SLC4A4: variants seen among roughly 807,000 people sequenced by gnomAD.
SLC4A4 encodes the protein electrogenic sodium bicarbonate cotransporter 1.
SLC4A4 carries 27 observed loss-of-function variants against 111.5 expected under a neutral mutation model. That is an observed-to-expected ratio of 0.24 (90% CI 0.18 to 0.33). The LOEUF (loss-of-function observed/expected upper bound fraction) is 0.33. SLC4A4 is among the 10% of genes least tolerant of loss of function. The pLI, the probability that SLC4A4 is intolerant of heterozygous loss-of-function variation, is 1.00. For synonymous variants in SLC4A4, 443 were observed against 463.4 expected (o/e 0.96, Z 0.57); for missense variants, 909 against 1,315.5 (o/e 0.69, Z 4.78).
At chr4:71,373,510 T>A (rs1436284641) in intron 6 of SLC4A4, among the ~76,000 whole-genome samples, 2 of 152,112 alleles carry the variant, frequency 1.3e-5, no homozygotes, top group African/African-American at 4.8e-5. Flanking sequence ...AGCAACCATG[T>A]TGTTGAGAAA....
At chr4:71,245,197 A>T (rs1720564633) in intron 2 of SLC4A4, among the ~76,000 whole-genome samples, 1 of 152,158 alleles carries the variant, frequency 6.6e-6, no homozygotes, top group African/African-American at 2.4e-5. Flanking sequence ...GAGAGTTCTG[A>T]GGTGGATAGG....
chr4:71,213,893 T>C (rs982039884), intron 1 of SLC4A4, among the ~76,000 whole-genome samples: 1 of 152,176 alleles, frequency 6.6e-6, no homozygotes, highest in Non-Finnish European at 1.5e-5. Flanking sequence ...ATCTTGGACG[T>C]CCAAGTCTTC....
At chr4:71,478,723 C>T (rs1450051642) in intron 14 of SLC4A4, among the ~76,000 whole-genome samples, 1 of 151,728 alleles carries the variant, frequency 6.6e-6, no homozygotes, top group Non-Finnish European at 1.5e-5. Flanking sequence ...GCACATTCTG[C>T]ACATGTATCC....
At chr4:71,501,089 A>G (rs1267458995) in intron 16 of SLC4A4, among the ~76,000 whole-genome samples, 1 of 152,226 alleles carries the variant, frequency 6.6e-6, no homozygotes, top group African/African-American at 2.4e-5. Flanking sequence ...ATTCATGAAT[A>G]CAGGATATCT....
chr4:71,369,942 C>T (rs753979560), intron 6 of SLC4A4, among the ~76,000 whole-genome samples: 8 of 152,078 alleles, frequency 5.3e-5, no homozygotes, highest in East Asian at 1.9e-4. Context: ...CACACACACA[C>T]GATTGTGAGA....
At chr4:71,199,140 C>G (rs1323614077) in intron 1 of SLC4A4, among the ~76,000 whole-genome samples, 1 of 152,174 alleles carries the variant, frequency 6.6e-6, no homozygotes, top group Non-Finnish European at 1.5e-5. Context: ...TTGATGTCGT[C>G]AGGTGTCACT....
chr4:71,179,196 G>C (rs1745200427), intron 2 of SLC4A4, among the ~76,000 whole-genome samples: 1 of 152,040 alleles, frequency 6.6e-6, no homozygotes, highest in Non-Finnish European at 1.5e-5. Flanking sequence ...GTATTGATGG[G>C]ATGTATCTCA....
chr4:71,127,317 A>C (rs1743586583), intron 2 of SLC4A4, among the ~76,000 whole-genome samples: 2 of 152,202 alleles, frequency 1.3e-5, no homozygotes. Flanking sequence ...CTCTATCTTC[A>C]AAAAACGAAG....
chr4:71,421,144 T>A (rs919697124), intron 7 of SLC4A4, among the ~76,000 whole-genome samples: 1 of 151,224 alleles, frequency 6.6e-6, no homozygotes, highest in African/African-American at 2.4e-5. Flanking sequence ...GAGGAAGATC[T>A]ACCAAGCAAA....
Position 71,371,190 on chromosome 4 carries a change from A to G in SLC4A4, c.730+14003A>G, listed in dbSNP as rs1731837689. Among the ~76,000 whole-genome samples the G allele has an allele frequency of 2.7e-5, 4 of 149,970 alleles. No homozygotes were observed. The South Asian group carries it at 8.4e-4, about 31-fold the overall frequency. ...TGTCTCTTTTCTTTTGTCCTATATCATGGAAAATCCTACCTCCATGTTTTT... is the reference window on the plus strand; with the variant it reads ...TGTCTCTTTTCTTTTGTCCTATATCGTGGAAAATCCTACCTCCATGTTTTT... On this transcript the variant is annotated intron_variant, in intron 6 of 25. Transcript: ENST00000264485.
intron 1 of SLC4A4, among the ~76,000 whole-genome samples, chr4:71,193,745 A>G (rs1245712484): frequency 6.6e-6 from 1 of 152,094 alleles, no homozygotes; most frequent in African/African-American, 2.4e-5. Context: ...GTACTTGTTC[A>G]TGTTTTTTGC....
intron 3 of SLC4A4, among the ~76,000 whole-genome samples, chr4:71,292,560 A>G (rs1339528419): frequency 3.3e-5 from 5 of 152,192 alleles, no homozygotes; most frequent in Non-Finnish European, 7.4e-5. Flanking sequence ...TGTAATTTAG[A>G]CAGACGAACA....
At chr4:71,122,049 C>G (rs1578500428) in intron 2 of SLC4A4, among the ~76,000 whole-genome samples, 1 of 152,188 alleles carries the variant, frequency 6.6e-6, no homozygotes, top group East Asian at 1.9e-4. Context: ...ACGAACCCAC[C>G]AGAAGGAATA....
chr4:71,124,044 G>T (rs892652797), intron 2 of SLC4A4, among the ~76,000 whole-genome samples: 1 of 152,082 alleles, frequency 6.6e-6, no homozygotes, highest in Non-Finnish European at 1.5e-5. Context: ...GATTTCTCTA[G>T]CATGTTTATT....
At chr4:71,442,742 G>A (rs1047102398) in intron 8 of SLC4A4, among the ~76,000 whole-genome samples, 2 of 152,038 alleles carry the variant, frequency 1.3e-5, no homozygotes, top group Non-Finnish European at 2.9e-5. Context: ...GGAAAGTTAT[G>A]CTGCCATTAT....
At chr4:71,505,095 G>A (rs537101764) in intron 16 of SLC4A4, among the ~76,000 whole-genome samples, 3 of 152,240 alleles carry the variant, frequency 2.0e-5, no homozygotes, top group South Asian at 4.1e-4. Context: ...ATTTCATGGT[G>A]TATATGTACC....
At chr4:71,262,806 G>C (rs562579324) in intron 3 of SLC4A4, among the ~76,000 whole-genome samples, 1 of 150,464 alleles carries the variant, frequency 6.6e-6, no homozygotes, top group Non-Finnish European at 1.5e-5. Flanking sequence ...CTTTCCCCCC[G>C]GGTGTCATTT....
At position 71,109,479 on chromosome 4, in the gene SLC4A4, A is replaced by G. The variant is rs1014987387; in HGVS notation, c.-2+16687A>G. 4.6e-5 allele frequency among the ~76,000 whole-genome samples: 7 copies of G among 152,116 alleles called. No homozygotes were observed. The East Asian group carries it at 1.2e-3, about 25-fold the overall frequency. On this transcript the variant is annotated intron_variant, in intron 2 of 26. Transcript: ENST00000649996. ...TGCATCTCTGTGATCAGAGGCAGCA[A>G]TCAACGATTGGAGCTCAGGTCCCTG...
At chr4:71,459,428 T>C (rs1726606245) in intron 12 of SLC4A4, among the ~76,000 whole-genome samples, 1 of 152,070 alleles carries the variant, frequency 6.6e-6, no homozygotes, top group Non-Finnish European at 1.5e-5. Flanking sequence ...CCCATACATC[T>C]TAAAATTCAT....
Sources: gnomAD v4.1 joint callset for allele counts (sites outside exome capture counted in the v4.1 genomes callset) on GRCh38, gnomAD v4.1.1 for gene constraint, MANE v1.5 for transcripts, NCBI Gene and HGNC (gene_info 2026-07-23, HGNC 2026-07-21) for gene names.